UBXN2B: variants seen among roughly 807,000 people sequenced by gnomAD.
UBXN2B encodes the protein UBX domain protein 2B, also known as UBX domain-containing protein 2B.
UBXN2B carries 19 observed loss-of-function variants against 37.5 expected under a neutral mutation model. The ratio of observed to expected loss-of-function variants is 0.51; its 90% CI spans 0.35 to 0.74. The LOEUF is 0.74. Among genes scored for constraint, UBXN2B ranks in the 30% least tolerant of loss-of-function variants. The probability of loss-of-function intolerance (pLI) is 0.01; values close to 1 mark genes in which losing one functional copy is unlikely to be tolerated. For synonymous variants in UBXN2B, 145 were observed against 143.8 expected (o/e 1.01, Z -0.06); for missense variants, 370 against 393.2 (o/e 0.94, Z 0.50).
At chr8:58,439,922 A>G (rs949985054) in intron 6 of UBXN2B, 152 bp downstream of exon 6, 8 of 605,424 alleles carry the variant, frequency 1.3e-5, no homozygotes, top group Non-Finnish European at 2.1e-5. Flanking sequence ...ATAATATTAT[A>G]TCATGTGATA....
chr8:58,417,101 A>C (rs1807805278), intron 2 of UBXN2B, 148 bp downstream of exon 2: 1 of 612,704 alleles, frequency 1.6e-6, no homozygotes, highest in African/African-American at 1.9e-5. Context: ...ATTTGGATAA[A>C]AAATAGAAAT....
Position 58,445,896 on chromosome 8 carries a change from C to T in UBXN2B, c.672-11C>T. On this transcript the variant is annotated splice_polypyrimidine_tract_variant and intron_variant, in intron 6 of 7. Transcript: ENST00000399598. ...ACACATTCAGATTTGTGTTTAATTC[C>T]TCTTTTTTAGCCTTACACCTGAAAT... The T allele has an allele frequency of 6.4e-7, 1 of 1,569,116 alleles. No individual in the cohort carries two copies. Among genetic ancestry groups the T allele is most frequent in the Non-Finnish European group, 8.6e-7 (1 of 1,160,744 alleles).
At chr8:58,413,653 A>G (rs971096374) in intron 1 of UBXN2B, among the ~76,000 whole-genome samples, 6 of 152,158 alleles carry the variant, frequency 3.9e-5, no homozygotes, top group African/African-American at 1.2e-4. Context: ...GTTTGTCAGC[A>G]TCTGAATCAG....
chr8:58,426,132 G>A lies in UBXN2B; in HGVS notation c.189-4387G>A, dbSNP rs754211449. ...TGCCCGTGATGTTCTGTGTAATGCC[G>A]GACCAACTCAGCCAAAGTGGAAAAT... On this transcript the variant is annotated intron_variant, in intron 2 of 7. Coordinates refer to ENST00000399598, the MANE Select transcript of UBXN2B (RefSeq NM_001077619.2). The A allele has an allele frequency of 6.3e-5, 76 of 1,204,828 alleles. 1 individual carries two copies. Among genetic ancestry groups the A allele is most frequent in the Non-Finnish European group, 8.0e-5 (65 of 811,996 alleles). 74.6% of individuals were successfully genotyped at this position (1,204,828 alleles called of 1,614,324 possible). A position where few individuals can be genotyped will look rare whatever the true frequency, so the allele number is the denominator to read the frequency against.
At position 58,441,369 on chromosome 8, in the gene UBXN2B, G is replaced by GTATGTGTATATATATATATATATA. The variant is rs1808545480; in HGVS notation, c.671+1614_671+1615insATATATATATATGTGTATATATAT. Among the ~76,000 whole-genome samples the GTATGTGTATATATATATATATATA allele has an allele frequency of 2.6e-5, 3 of 115,536 alleles. 1 individual carries two copies. Among genetic ancestry groups the GTATGTGTATATATATATATATATA allele is most frequent in the African/African-American group, 1.2e-4 (3 of 24,616 alleles). 75.8% of individuals were successfully genotyped at this position (115,536 alleles called of 152,430 possible). A position where few individuals can be genotyped will look rare whatever the true frequency, so the allele number is the denominator to read the frequency against. The stretch of plus-strand genomic sequence containing the variant: ...TCAACATATATATATATATATATAT[G>GTATGTGTATATATATATATATATA]TATGTGTATATATATGTATGTATGT... On this transcript the variant is annotated intron_variant, in intron 6 of 7. Coordinates refer to ENST00000399598, the MANE Select transcript of UBXN2B (RefSeq NM_001077619.2).
At chr8:58,434,967 T>C (rs1433257023) in intron 5 of UBXN2B, 1 of 1,535,022 alleles carries the variant, frequency 6.5e-7, no homozygotes, top group African/African-American at 1.4e-5. Context: ...GAAGTTATAA[T>C]TTGTGAAAGT....
At chr8:58,424,830 G>A in intron 2 of UBXN2B, 1 of 1,434,970 alleles carries the variant, frequency 7.0e-7, no homozygotes, top group Non-Finnish European at 9.8e-7. Flanking sequence ...CCGCCATATA[G>A]ATAAATCGGT....
rs1331451437 is a variant in UBXN2B, at chr8:58,449,824, C to G, written c.*2273C>G. 2.6e-5 allele frequency: 4 copies of G among 152,086 alleles called. No homozygotes were observed. The highest frequency in any genetic ancestry group is 1.3e-4 in the Admixed American group (2 of 15,262). The allele number at this position is 152,086 out of a possible 1,614,324, so 9.4% of individuals were successfully genotyped here. On this transcript the variant is annotated 3_prime_UTR_variant, in exon 8 of 8. Coordinates refer to ENST00000399598, the MANE Select transcript of UBXN2B (RefSeq NM_001077619.2). Reference sequence around the variant, plus strand: ...CTGAGTATCAACTTATCAGTTTGTTCTTCTTTTATATTCTCTAAAGCTTTC... The same window carrying G: ...CTGAGTATCAACTTATCAGTTTGTTGTTCTTTTATATTCTCTAAAGCTTTC...
At position 58,451,492 on chromosome 8, in the gene UBXN2B, C is replaced by G. The variant is rs924999176; in HGVS notation, c.*3941C>G. The G allele has an allele frequency of 6.6e-6, 1 of 152,198 alleles. No homozygotes were observed. Among genetic ancestry groups the G allele is most frequent in the African/African-American group, 2.4e-5 (1 of 41,458 alleles). 9.4% of individuals were successfully genotyped at this position (152,198 alleles called of 1,614,324 possible). A position where few individuals can be genotyped will look rare whatever the true frequency, so the allele number is the denominator to read the frequency against. ...TGCTTACTAATAAAGAATGTTTTCA[C>G]TGAAACTTATTGGAAAGGTTTTTCA... is the stretch of plus-strand genomic sequence containing the variant. On this transcript the variant is annotated 3_prime_UTR_variant, in exon 8 of 8. Transcript: ENST00000399598.
At position 58,426,184 on chromosome 8, in the gene UBXN2B, A is replaced by G. The variant is rs1808078847; in HGVS notation, c.189-4335A>G. 34 of 748,430 alleles carry G rather than the reference A, an allele frequency of 4.5e-5. No individual in the cohort carries two copies. The South Asian group carries it at 4.6e-4, about 10-fold the overall frequency. The allele number at this position is 748,430 out of a possible 1,614,324, so 46.4% of individuals were successfully genotyped here. A position where few individuals can be genotyped will look rare whatever the true frequency, so the allele number is the denominator to read the frequency against. ...TCTCCCCTCCACACAGATCACAGTA[A>G]TCACCAGTGTTCTGAATCTTTTTTT... On this transcript the variant is annotated intron_variant, in intron 2 of 7. Coordinates refer to ENST00000399598, the MANE Select transcript of UBXN2B (RefSeq NM_001077619.2).
chr8:58,434,803 T>C, intron 5 of UBXN2B: 1 of 1,531,250 alleles, frequency 6.5e-7, no homozygotes, highest in Non-Finnish European at 8.7e-7. Context: ...ATCAGTGAAT[T>C]AATTAGTATG....
intron 6 of UBXN2B, among the ~76,000 whole-genome samples, chr8:58,445,561 A>G (rs1490152078): frequency 1.3e-5 from 2 of 152,170 alleles, no homozygotes; most frequent in Admixed American, 6.5e-5. Flanking sequence ...TACTTACTCA[A>G]CTTTACACAG....
chr8:58,413,307 A>G (rs1318318426), intron 1 of UBXN2B: 1 of 152,194 alleles, frequency 6.6e-6, no homozygotes, highest in Non-Finnish European at 1.5e-5. Flanking sequence ...AGAACTTAAT[A>G]TGAATGTGAA....
intron 1 of UBXN2B, among the ~76,000 whole-genome samples, chr8:58,415,102 G>A (rs993907863): frequency 2.6e-5 from 4 of 151,732 alleles, no homozygotes; most frequent in Admixed American, 6.6e-5. Flanking sequence ...ATCTAGTTGG[G>A]GAAATAAAAC....
chr8:58,414,024 C>T (rs1302368369), intron 1 of UBXN2B, among the ~76,000 whole-genome samples: 1 of 152,004 alleles, frequency 6.6e-6, no homozygotes, highest in Non-Finnish European at 1.5e-5. Context: ...ATAGGTTGGA[C>T]GGGGAGGGAG....
chr8:58,445,805 TATA>T, intron 6 of UBXN2B, 99 bp from the exon 7 acceptor site: 1 of 1,004,314 alleles, frequency 1.0e-6, no homozygotes, highest in South Asian at 2.2e-5. Context: ...TTGAAAGAAG[TATA>T]GGAGACTCAA....
intron 2 of UBXN2B, chr8:58,424,897 T>G: frequency 2.0e-6 from 2 of 989,002 alleles, no homozygotes; most frequent in Non-Finnish European, 3.3e-6. Context: ...CTGGATAGTT[T>G]TGAGAACGTC....
intron 2 of UBXN2B, among the ~76,000 whole-genome samples, chr8:58,424,294 A>AGAGGAAGCAG (rs1808013944): frequency 6.6e-6 from 1 of 152,164 alleles, no homozygotes; most frequent in Admixed American, 6.5e-5. Flanking sequence ...ATAGCACACA[A>AGAGGAAGCAG]TTTAACTGCT....
rs1377818374 is a variant in UBXN2B at position 58,436,374 on chromosome 8, C to A, written c.533+1870C>A. 2.6e-5 allele frequency among the ~76,000 whole-genome samples: 4 copies of A among 152,318 alleles called. No homozygotes were observed. In the South Asian group the frequency reaches 8.3e-4, roughly 32 times the overall value. On this transcript the variant is annotated intron_variant, in intron 5 of 7. Transcript: ENST00000399598. ...GACAGAGTTAGGTTTTAGGATCAGA[C>A]AGTATTATCCACGTGACTCCCTGGA...
Sources: gnomAD v4.1 joint callset for allele counts (sites outside exome capture counted in the v4.1 genomes callset) on GRCh38, gnomAD v4.1.1 for gene constraint, MANE v1.5 for transcripts, NCBI Gene and HGNC (gene_info 2026-07-23, HGNC 2026-07-21) for gene names.